PXDN: variants seen among roughly 807,000 people sequenced by gnomAD.
The protein encoded by PXDN is peroxidasin homolog.
Under a neutral mutation model 140.3 loss-of-function variants are expected in PXDN, and 77 were observed. The observed-to-expected ratio is 0.55, with a 90% CI of 0.46 to 0.66. PXDN has a LOEUF of 0.66. Among genes scored for constraint, PXDN ranks in the 30% least tolerant of loss-of-function variants. The pLI, the probability that PXDN is intolerant of heterozygous loss-of-function variation, is 0.00. For synonymous variants in PXDN, 911 were observed against 857.4 expected, an observed-to-expected ratio of 1.06 and a Z score of -1.09; for missense variants, 1,838 against 2,039.5, an observed-to-expected ratio of 0.90 and a Z score of 1.90.
intron 1 of PXDN, among the ~76,000 whole-genome samples, chr2:1,693,824 T>C (rs1684236519): frequency 6.6e-6 from 1 of 152,136 alleles, no homozygotes; most frequent in South Asian, 2.1e-4. Flanking sequence ...AGACTGAATC[T>C]GGTGCTGGAA....
At chr2:1,673,402 G>C (rs1372445890) in intron 9 of PXDN, among the ~76,000 whole-genome samples, 3 of 152,094 alleles carry the variant, frequency 2.0e-5, no homozygotes, top group Non-Finnish European at 4.4e-5. Context: ...AGCATGGACT[G>C]CCCCGGCTGT....
intron 1 of PXDN, among the ~76,000 whole-genome samples, chr2:1,740,181 T>C (rs1027216344): frequency 6.6e-6 from 1 of 152,096 alleles, no homozygotes; most frequent in African/African-American, 2.4e-5. Context: ...GCATGGGAAG[T>C]GCTGAGGGTG....
At chr2:1,642,986 T>C (rs1682763520) in intron 19 of PXDN, among the ~76,000 whole-genome samples, 1 of 152,238 alleles carries the variant, frequency 6.6e-6, no homozygotes, top group Admixed American at 6.5e-5. Context: ...GAAAACCTGA[T>C]ATATTTGATA....
At chr2:1,669,891 T>G (rs981597747) in intron 9 of PXDN, 1 of 152,206 alleles carries the variant, frequency 6.6e-6, no homozygotes, top group Admixed American at 6.5e-5. Context: ...CTGTTGTTTC[T>G]TCAGGTCAAC....
intron 10 of PXDN, 127 bp from the exon 11 acceptor site, chr2:1,665,201 C>G: frequency 1.4e-6 from 1 of 704,242 alleles, no homozygotes; most frequent in Non-Finnish European, 2.5e-6. Context: ...AACGAAGAGT[C>G]AGAAAGAGGC....
At chr2:1,652,747 G>A (rs368992654) in intron 16 of PXDN, among the ~76,000 whole-genome samples, 5 of 152,162 alleles carry the variant, frequency 3.3e-5, no homozygotes, top group Admixed American at 6.5e-5. Flanking sequence ...ACTCTACTCC[G>A]AAGACGGGCA....
chr2:1,698,221 G>A (rs1335158945), intron 1 of PXDN, among the ~76,000 whole-genome samples: 4 of 152,186 alleles, frequency 2.6e-5, no homozygotes, highest in Non-Finnish European at 1.5e-5. Flanking sequence ...GCAAAACTCT[G>A]TAAATATCCA....
At chr2:1,663,146 C>T (rs1239267075) in intron 12 of PXDN, among the ~76,000 whole-genome samples, 1 of 152,096 alleles carries the variant, frequency 6.6e-6, no homozygotes, top group Non-Finnish European at 1.5e-5. Context: ...AAGATGAAGA[C>T]CAGGGTCCAA....
intron 5 of PXDN, among the ~76,000 whole-genome samples, 167 bp downstream of exon 5, chr2:1,683,909 CAATT>C (rs1259405815): frequency 6.6e-6 from 1 of 152,038 alleles, no homozygotes; most frequent in Admixed American, 6.6e-5. Context: ...TCAACACTCT[CAATT>C]AAAGAGAAAA....
rs775250606 is a variant in PXDN, at chr2:1,677,049, G to C, written c.731-5C>G. On this transcript the variant is annotated splice_region_variant and splice_polypyrimidine_tract_variant and intron_variant, in intron 7 of 22. Coordinates refer to ENST00000252804, the MANE Select transcript of PXDN (RefSeq NM_012293.3). ...CGGAGGTGATCCGGGGCCTTTCTGT[G>C]CCCAACCAGAAAATGGAAACCTTTT... The C allele has an allele frequency of 6.3e-7, 1 of 1,584,334 alleles. No individual in the cohort carries two copies. The highest frequency in any genetic ancestry group is 1.3e-5 in the African/African-American group (1 of 74,134).
intron 1 of PXDN, among the ~76,000 whole-genome samples, chr2:1,711,187 C>T (rs1423510884): frequency 2.4e-4 from 26 of 107,396 alleles, no homozygotes; most frequent in Admixed American, 3.5e-4. Flanking sequence ...CACCAGCACC[C>T]GCTCCACCAG....
rs1314083057 is a variant in PXDN at position 1,634,255 on chromosome 2, T to C, written c.4389A>G (p.Pro1463=). ...GTAAGCAGACTGGACAGCAGGCCCC[T>C]GGGATGTTCACGGGGACAGCACAGG... The part of the protein sequence containing the change: ...PATCAVPVNI[P]GACCPVCLQK... The change falls in exon 23 of 23, where the codon CCA becomes CCG. Residue 1463 remains proline, a synonymous_variant. Transcript: ENST00000252804. The C allele has an allele frequency of 1.2e-6, 2 of 1,607,524 alleles. No individual in the cohort carries two copies. The highest frequency in any genetic ancestry group is 2.2e-5 in the East Asian group (1 of 44,674).
At position 1,719,837 on chromosome 2, in the gene PXDN, TGTG is replaced by T. The variant is rs1558525405; in HGVS notation, c.200+24416_200+24418del. 3.2e-3 allele frequency among the ~76,000 whole-genome samples: 126 copies of T among 38,946 alleles called. 1 individual carries two copies. Among genetic ancestry groups the T allele is most frequent in the African/African-American group, 5.9e-3 (116 of 19,590 alleles). 25.6% of individuals were successfully genotyped at this position (38,946 alleles called of 152,430 possible). A position where few individuals can be genotyped will look rare whatever the true frequency, so the allele number is the denominator to read the frequency against. On this transcript the variant is annotated intron_variant, in intron 1 of 22. Transcript: ENST00000252804. The stretch of plus-strand genomic sequence containing the variant: ...AGGATGTGTGTACATGCGTGCATTG[TGTG>T]TGTGTGTGTGTGTGTGTGTGTGTGT...
Position 1,716,440 on chromosome 2 carries a change from GAAAAAAAAAAAAAA to G in PXDN, c.201-23320_201-23307del, listed in dbSNP as rs550784477. Reference sequence around the variant, plus strand: ...GCAACAGAGTGAGACTCCATCTCAGGAAAAAAAAAAAAAAAAAAAAAAAAAAAAAACCAGGGTGG... The same window carrying G: ...GCAACAGAGTGAGACTCCATCTCAGGAAAAAAAAAAAAAAAACCAGGGTGG... On this transcript the variant is annotated intron_variant, in intron 1 of 22. Coordinates refer to ENST00000252804, the MANE Select transcript of PXDN (RefSeq NM_012293.3). 8.2e-4 allele frequency among the ~76,000 whole-genome samples: 48 copies of G among 58,226 alleles called. 1 individual carries two copies. The highest frequency in any genetic ancestry group is 2.4e-3 in the African/African-American group (41 of 17,040). 38.2% of individuals were successfully genotyped at this position (58,226 alleles called of 152,430 possible). A position where few individuals can be genotyped will look rare whatever the true frequency, so the allele number is the denominator to read the frequency against.
intron 1 of PXDN, among the ~76,000 whole-genome samples, chr2:1,707,704 C>T (rs1684651396): frequency 6.6e-6 from 1 of 152,296 alleles, no homozygotes; most frequent in South Asian, 2.1e-4. Context: ...CATTTCCCTG[C>T]ACAAGGCAGG....
Position 1,664,971 on chromosome 2 carries a change from G to T in PXDN, c.1395C>A (p.Ala465=). ...CCTGGGTCTTACCTCCCTTGGTCCA[G>T]GCGATGACGGGCGGCGGGTTGCCCT... The part of the protein sequence containing the change: ...EAKGNPPPVI[A]WTKGGSQLSV... The change falls in exon 11 of 23, where the codon GCC becomes GCA. Residue 465 remains alanine (A), a synonymous_variant. Transcript: ENST00000252804. 6.2e-7 allele frequency: 1 copy of T among 1,610,166 alleles called. No individual in the cohort carries two copies. Among genetic ancestry groups the T allele is most frequent in the Non-Finnish European group, 8.5e-7 (1 of 1,177,430 alleles).
intron 8 of PXDN, 47 bp downstream of exon 8, chr2:1,676,880 T>C: frequency 6.5e-7 from 1 of 1,542,888 alleles, no homozygotes; most frequent in Non-Finnish European, 8.8e-7. Context: ...TGTCTGAGTG[T>C]AACTCCGAGA....
chr2:1,662,622 A>G (rs1169265133), intron 12 of PXDN, among the ~76,000 whole-genome samples: 1 of 152,180 alleles, frequency 6.6e-6, no homozygotes, highest in African/African-American at 2.4e-5. Context: ...TCCTCCTCTG[A>G]AAGAGCAGGA....
At chr2:1,716,717 T>G in intron 1 of PXDN, among the ~76,000 whole-genome samples, 1 of 152,162 alleles carries the variant, frequency 6.6e-6, no homozygotes, top group East Asian at 1.9e-4. Flanking sequence ...TGGGGCCTTA[T>G]GCCCTGGTGG....
Sources: gnomAD v4.1 joint callset for allele counts (sites outside exome capture counted in the v4.1 genomes callset) on GRCh38, gnomAD v4.1.1 for gene constraint, MANE v1.5 for transcripts, NCBI Gene and HGNC (gene_info 2026-07-23, HGNC 2026-07-21) for gene names.